The following RASGRF1 variants were observed in gnomAD, a reference collection of about 807,000 sequenced individuals.
The protein encoded by RASGRF1 is ras-specific guanine nucleotide-releasing factor 1.
In RASGRF1, 40 loss-of-function variants were observed where a neutral mutation model predicts 138.7. That is an observed-to-expected ratio of 0.29 (90% confidence interval 0.22 to 0.38). RASGRF1 has a LOEUF of 0.38. RASGRF1 is among the 10% of genes least tolerant of loss of function. The pLI is 1.00. For missense variants in RASGRF1, 1,108 were observed against 1,650.4 expected (o/e 0.67, Z 5.69); for synonymous variants, 614 against 663.2 (o/e 0.93, Z 1.14).
chr15:78,985,926 G>GAAAAAAAAAAAAAAAAAAAAAAAAACA (rs10584043), intron 22 of RASGRF1: 1 of 83,374 alleles, frequency 1.2e-5, no homozygotes. Context: ...CTCCATCTCA[G>GAAAAAAAAAAAAAAAAAAAAAAAAACA]AAAAAAAAAA....
chr15:79,083,526 A>G (rs1476172827), intron 1 of RASGRF1, among the ~76,000 whole-genome samples: 1 of 152,164 alleles, frequency 6.6e-6, no homozygotes, highest in Non-Finnish European at 1.5e-5. Context: ...TTCCCACCCA[A>G]GCAGAAACAA....
intron 26 of RASGRF1, among the ~76,000 whole-genome samples, chr15:78,965,472 C>T (rs1241286892): frequency 6.6e-6 from 1 of 152,228 alleles, no homozygotes; most frequent in Non-Finnish European, 1.5e-5. Context: ...TTGCATCAGA[C>T]AGCAATGCTT....
At chr15:79,019,317 AAG>A (rs1165295467) in intron 11 of RASGRF1, among the ~76,000 whole-genome samples, 2 of 152,116 alleles carry the variant, frequency 1.3e-5, no homozygotes, top group Non-Finnish European at 2.9e-5. Context: ...TGGCCCAATC[AAG>A]AGAGAGTAGT....
chr15:78,965,364 C>A (rs2055622791), intron 26 of RASGRF1, among the ~76,000 whole-genome samples: 1 of 152,194 alleles, frequency 6.6e-6, no homozygotes, highest in African/African-American at 2.4e-5. Flanking sequence ...AACAACCCCC[C>A]TCTTTAGCCA....
chr15:78,988,822 G>C (rs1207870482), intron 22 of RASGRF1, among the ~76,000 whole-genome samples: 1 of 148,472 alleles, frequency 6.7e-6, no homozygotes, highest in African/African-American at 2.5e-5. Flanking sequence ...CACATGTGGG[G>C]AAGTTGCTGG....
chr15:79,010,430 G>A (rs1325014361), intron 13 of RASGRF1, among the ~76,000 whole-genome samples: 1 of 152,210 alleles, frequency 6.6e-6, no homozygotes, highest in African/African-American at 2.4e-5. Context: ...TGGTAGCAGT[G>A]GCCCAGAGCT....
chr15:79,035,340 T>C, intron 5 of RASGRF1, 130 bp from the exon 6 acceptor site: 1 of 692,334 alleles, frequency 1.4e-6, no homozygotes, highest in East Asian at 2.8e-5. Context: ...ACGTGAAAAC[T>C]GCACCGGCAG....
intron 1 of RASGRF1, among the ~76,000 whole-genome samples, chr15:79,079,926 G>A (rs1454874877): frequency 6.6e-6 from 1 of 152,220 alleles, no homozygotes; most frequent in Non-Finnish European, 1.5e-5. Flanking sequence ...CACCATTTAA[G>A]CCTCCTGGAA....
At chr15:79,020,943 CTCTCTTGCTG>C (rs1208974285) in intron 10 of RASGRF1, among the ~76,000 whole-genome samples, 4 of 152,340 alleles carry the variant, frequency 2.6e-5, no homozygotes, top group African/African-American at 7.2e-5. Flanking sequence ...CTCCTGCTTG[CTCTCTTGCTG>C]TCTCTTGCAT....
intron 1 of RASGRF1, among the ~76,000 whole-genome samples, chr15:79,087,494 T>C (rs1197747371): frequency 2.0e-5 from 3 of 152,228 alleles, no homozygotes; most frequent in Non-Finnish European, 4.4e-5. Flanking sequence ...CTGAAACCAA[T>C]TCTTCATCAG....
chr15:78,980,671 T>G lies in RASGRF1; in HGVS notation c.3443A>C (p.Lys1148Thr). The G allele has an allele frequency of 1.2e-6, 2 of 1,605,962 alleles. No individual in the cohort carries two copies. The highest frequency in any genetic ancestry group is 1.7e-6 in the Non-Finnish European group (2 of 1,173,250). The part of the protein sequence containing the change: ...QTKALIDKLQ[K>T]LVSSEGRFKN... ...AAATCTGCCCTCAGATGACACAAGC[T>G]TTTGGAGCTTATCAATCAAAGCTTT... Residue 1148 changes from lysine (K) to threonine (T), a missense_variant, in exon 24 of 27, where the codon AAG becomes ACG. This residue lies in a region of RASGRF1 where 686 missense variants were observed against 976.7 expected (regional missense o/e 0.70). Transcript: ENST00000558480.
intron 13 of RASGRF1, among the ~76,000 whole-genome samples, chr15:79,012,681 C>T (rs2056818813): frequency 2.0e-5 from 3 of 152,040 alleles, no homozygotes; most frequent in African/African-American, 4.8e-5. Context: ...TTTGTTTCAT[C>T]CGCACTCTCT....
At chr15:78,968,735 A>G (rs57623551) in intron 26 of RASGRF1, among the ~76,000 whole-genome samples, 54,366 of 152,088 alleles carry the variant, frequency 0.36, 9,978 homozygotes, top group Middle Eastern at 0.46. Context: ...GCTTTCAGTG[A>G]TGTCCAGGTG....
chr15:79,049,813 C>A (rs1191026432), intron 3 of RASGRF1, among the ~76,000 whole-genome samples: 1 of 152,190 alleles, frequency 6.6e-6, no homozygotes, highest in Non-Finnish European at 1.5e-5. Context: ...TGGGTAGACA[C>A]CTGGGTTCCA....
chr15:78,991,599 G>A (rs890651061), intron 21 of RASGRF1, 92 bp downstream of exon 21: 1 of 1,029,732 alleles, frequency 9.7e-7, no homozygotes, highest in Non-Finnish European at 1.5e-6. Flanking sequence ...GGTCCGTGCA[G>A]CTCTGGAAAT....
chr15:79,087,357 G>A (rs564090193), intron 1 of RASGRF1, among the ~76,000 whole-genome samples: 6 of 152,340 alleles, frequency 3.9e-5, no homozygotes, highest in East Asian at 1.9e-4. Context: ...CTATGTGCAC[G>A]GTCCCTGATT....
At chr15:79,015,856 T>C (rs2056871340) in intron 12 of RASGRF1, among the ~76,000 whole-genome samples, 1 of 152,208 alleles carries the variant, frequency 6.6e-6, no homozygotes, top group Admixed American at 6.5e-5. Flanking sequence ...ACGAGGGTGC[T>C]GAACTGTTCT....
At position 78,979,279 on chromosome 15, in the gene RASGRF1, G is replaced by A. The variant is rs957953650; in HGVS notation, c.3494+1341C>T. ...GCTGGCAAAGGACAGACCAAATGCG[G>A]CAGGAAGAAAACGCAAAGAGGAGGC... On this transcript the variant is annotated intron_variant, in intron 24 of 26. Transcript: ENST00000558480. The A allele has an allele frequency of 2.8e-6, 3 of 1,054,240 alleles. No homozygotes were observed. In the Admixed American group the frequency reaches 1.1e-4, roughly 37 times the overall value. The allele number at this position is 1,054,240 out of a possible 1,614,324, so 65.3% of individuals were successfully genotyped here.
chr15:79,033,119 G>A (rs958133779), intron 6 of RASGRF1, among the ~76,000 whole-genome samples: 1 of 152,138 alleles, frequency 6.6e-6, no homozygotes, highest in African/African-American at 2.4e-5. Flanking sequence ...CTATAGTTCT[G>A]TCTCAAGCTT....
Sources: allele counts gnomAD v4.1 joint callset (sites outside exome capture counted in the v4.1 genomes callset), GRCh38; gene constraint gnomAD v4.1.1; regional missense constraint gnomAD v4.1.1; transcripts MANE v1.5; gene names NCBI Gene and HGNC (gene_info 2026-07-23, HGNC 2026-07-21).